APOB: variants seen among roughly 807,000 people sequenced by gnomAD.
APOB encodes apolipoprotein B-100.
Under a neutral mutation model 314.1 loss-of-function variants are expected in APOB, and 153 were observed. That is an observed-to-expected ratio of 0.49 (90% CI 0.43 to 0.56). APOB has a LOEUF of 0.56. Among genes scored for constraint, APOB ranks in the 20% least tolerant of loss-of-function variants. APOB has a pLI of 0.00. For missense variants in APOB, 5,430 were observed against 5,350.7 expected (o/e 1.01, Z -0.46); for synonymous variants, 2,087 against 2,036.4 (o/e 1.02, Z -0.67).
chr2:21,043,003 A>G (rs1228251700), intron 2 of APOB, among the ~76,000 whole-genome samples: 4 of 147,990 alleles, frequency 2.7e-5, no homozygotes, highest in African/African-American at 1.0e-4. Context: ...CTGGGTCCTG[A>G]GTCCAGCTGC....
rs200768300 is a variant in APOB at position 21,015,271 on chromosome 2, G to A, written c.3509-11C>T. On this transcript the variant is annotated splice_polypyrimidine_tract_variant and intron_variant, in intron 22 of 28. Transcript: ENST00000233242. ...CAATCTTCTCTTCATCTGAAAATAC[G>A]TAGGAAATAGTTGTGAATGGTACTA... The A allele has an allele frequency of 1.0e-3, 1,663 of 1,613,960 alleles. 2 individuals are homozygous for A. Among genetic ancestry groups the A allele is most frequent in the Non-Finnish European group, 1.2e-3 (1,459 of 1,179,834 alleles).
intron 20 of APOB, among the ~76,000 whole-genome samples, chr2:21,016,979 A>G (rs974219905): frequency 2.2e-4 from 29 of 131,670 alleles, no homozygotes; most frequent in South Asian, 7.0e-4. Flanking sequence ...GCGAGACTCC[A>G]TCTCAAAAAA....
rs201341694 is a variant in APOB at position 21,032,470 on chromosome 2, G to T, written c.1236C>A (p.Thr412=). 8 of 1,614,064 alleles carry T rather than the reference G, an allele frequency of 5.0e-6. No individual in the cohort carries two copies. The highest frequency in any genetic ancestry group is 1.6e-4 in the Middle Eastern group (1 of 6,084). The change falls in exon 10 of 29, where the codon ACC becomes ACA. Residue 412 remains threonine, a synonymous_variant. Coordinates refer to ENST00000233242, the MANE Select transcript of APOB (RefSeq NM_000384.3). ...GCTCGGGGATCAGGGCCACCAGGTA[G>T]GTGACCACATCTATCAGAAGGGGGT... ...HANPLLIDVV[T]YLVALIPEPS...
At chr2:21,019,430 C>T (rs977228507) in intron 19 of APOB, among the ~76,000 whole-genome samples, 2 of 152,106 alleles carry the variant, frequency 1.3e-5, no homozygotes, top group African/African-American at 2.4e-5. Flanking sequence ...GCTTCAAGCA[C>T]ATTGGTGGGC....
At position 21,005,066 on chromosome 2, in the gene APOB, A is replaced by G; in HGVS notation, c.11788+14T>C. ...ATATACAGTATCTAGGAGAGGAGGCAGGATATTTCTTACCATTTAGTTCAT... is the reference window on the plus strand; with the variant it reads ...ATATACAGTATCTAGGAGAGGAGGCGGGATATTTCTTACCATTTAGTTCAT... On this transcript the variant is annotated intron_variant, in intron 26 of 28. Coordinates refer to ENST00000233242, the MANE Select transcript of APOB (RefSeq NM_000384.3). 4 of 1,613,208 alleles carry G rather than the reference A, an allele frequency of 2.5e-6. No homozygotes were observed. In the African/African-American group the frequency reaches 4.0e-5, roughly 16 times the overall value.
chr2:21,015,909 A>C (rs1168690579), intron 21 of APOB, among the ~76,000 whole-genome samples: 1 of 152,114 alleles, frequency 6.6e-6, no homozygotes, highest in Non-Finnish European at 1.5e-5. Context: ...ATTTCTTTAA[A>C]GCACCCAGCA....
Position 21,002,174 on chromosome 2 carries a change from A to T in APOB, c.13248T>A (p.Val4416=), listed in dbSNP as rs769781707. 6.2e-7 allele frequency: 1 copy of T among 1,613,992 alleles called. No individual in the cohort carries two copies. The highest frequency in any genetic ancestry group is 8.5e-7 in the Non-Finnish European group (1 of 1,179,962). The change falls in exon 29 of 29, where the codon GTT becomes GTA. Residue 4416 remains valine (V), a synonymous_variant. Coordinates refer to ENST00000233242, the MANE Select transcript of APOB (RefSeq NM_000384.3). ...ATTCAGAATGGAAGTCCTTAAGAGC[A>T]ACTAACAGGTTCTTGATCAGACTGA... ...KIVSLIKNLL[V]ALKDFHSEYI...
chr2:21,030,851 A>T (rs1663859730), intron 10 of APOB, among the ~76,000 whole-genome samples: 1 of 152,232 alleles, frequency 6.6e-6, no homozygotes, highest in Non-Finnish European at 1.5e-5. Flanking sequence ...ATATGAAAAA[A>T]TGCATAACAT....
intron 4 of APOB, among the ~76,000 whole-genome samples, chr2:21,038,511 A>G (rs1664059895): frequency 6.6e-6 from 1 of 151,866 alleles, no homozygotes; most frequent in East Asian, 1.9e-4. Flanking sequence ...TAATTTTTGT[A>G]TTTTTAGTAG....
intron 6 of APOB, among the ~76,000 whole-genome samples, chr2:21,036,456 C>T (rs982280235): frequency 6.6e-6 from 1 of 152,214 alleles, no homozygotes; most frequent in Non-Finnish European, 1.5e-5. Flanking sequence ...TTCATGTTCA[C>T]TGAGACAGGC....
In APOB at chr2:21,002,162, G is replaced by A; in HGVS notation, c.13260C>T (p.Asp4420=). The A allele has an allele frequency of 6.2e-7, 1 of 1,613,954 alleles. No homozygotes were observed. The highest frequency in any genetic ancestry group is 8.5e-7 in the Non-Finnish European group (1 of 1,179,952). Residue 4420 remains aspartate, a synonymous_variant, in exon 29 of 29, where the codon GAC becomes GAT. Transcript: ENST00000233242. The stretch of plus-strand genomic sequence containing the variant: ...CACTGACAATATATTCAGAATGGAA[G>A]TCCTTAAGAGCAACTAACAGGTTCT... ...LIKNLLVALK[D]FHSEYIVSAS... is the part of the protein sequence containing the mutation.
intron 7 of APOB, among the ~76,000 whole-genome samples, chr2:21,035,174 G>A (rs1034696637): frequency 2.6e-5 from 4 of 152,110 alleles, no homozygotes; most frequent in African/African-American, 7.2e-5. Flanking sequence ...AAATTCTTTC[G>A]TATCTTCCAC....
intron 28 of APOB, among the ~76,000 whole-genome samples, 173 bp from the exon 29 acceptor site, chr2:21,003,507 C>T (rs1663053593): frequency 3.3e-5 from 5 of 152,054 alleles, no homozygotes; most frequent in Non-Finnish European, 7.4e-5. Flanking sequence ...TTAAATAAGT[C>T]TACTGTTGTT....
In APOB at chr2:21,002,236, A is replaced by G. The variant is rs1572774632; in HGVS notation, c.13186T>C (p.Trp4396Arg). 9 of 1,613,912 alleles carry G rather than the reference A, an allele frequency of 5.6e-6. No individual in the cohort carries two copies. The East Asian group carries it at 1.6e-4, about 28-fold the overall frequency. The part of the protein sequence containing the change: ...EEYFDPSIVG[W>R]TVKYYELEEK... ...TCAAGTTCATAATATTTCACTGTCC[A>G]GCCAACTATACTTGGATCAAAATAT... The change falls in exon 29 of 29, where the codon TGG becomes CGG. Residue 4396 changes from tryptophan to arginine, a missense_variant. Physicochemically the swap from Trp to Arg is moderately radical, Grantham distance 101 (BLOSUM62 -3). This residue lies in a region of APOB where 3,281 missense variants were observed against 3,171.0 expected (regional missense o/e 1.03). Transcript: ENST00000233242.
chr2:21,028,598 G>T, intron 12 of APOB, 60 bp from the exon 13 acceptor site: 2 of 1,110,248 alleles, frequency 1.8e-6, no homozygotes, highest in Non-Finnish European at 2.7e-6. Flanking sequence ...GAACATGCCT[G>T]GCAAACACTG....
Position 21,007,402 on chromosome 2 carries a change from T to C in APOB, c.9466A>G (p.Thr3156Ala), listed in dbSNP as rs1200728542. The change falls in exon 26 of 29, where the codon ACA becomes GCA. Residue 3156 changes from threonine (T) to alanine (A), a missense_variant. Physicochemically the swap from Thr to Ala is moderately conservative, Grantham distance 58. Transcript: ENST00000233242. ...PLKDFSLWEK[T>A]GLKEFLKTTK... ...GTTTTCAAGAATTCCTTCAAGCCTG[T>C]TTTTTCCCATAGAGAGAAATCTTTC... is the stretch of plus-strand genomic sequence containing the variant. The C allele has an allele frequency of 3.1e-6, 5 of 1,614,054 alleles. No individual in the cohort carries two copies. In the East Asian group the frequency reaches 1.1e-4, roughly 36 times the overall value.
Position 21,015,381 on chromosome 2 carries a change from G to T in APOB, c.3497C>A (p.Ala1166Glu). 6.2e-7 allele frequency: 1 copy of T among 1,614,192 alleles called. No individual in the cohort carries two copies. The change falls in exon 22 of 29, where the codon GCA (alanine) becomes GAA (glutamate). Residue 1166 changes from alanine to glutamate, a missense_variant. Ala to Glu is a moderately radical substitution (Grantham distance 107). Coordinates refer to ENST00000233242, the MANE Select transcript of APOB (RefSeq NM_000384.3). ...GAAGAGACACATACCATAATGCCAT[G>T]CCACCCTCTTGGAAACTGTGGAGCC... The part of the protein sequence containing the change: ...AYGSTVSKRV[A>E]WHYDEEKIEF...
Position 21,001,517 on chromosome 2 carries a change from A to G in APOB, c.*213T>C. 1 of 535,842 alleles carries G rather than the reference A, an allele frequency of 1.9e-6. No homozygotes were observed. The highest frequency in any genetic ancestry group is 2.6e-5 in the South Asian group (1 of 38,652). The allele number at this position is 535,842 out of a possible 1,614,324, so 33.2% of individuals were successfully genotyped here. A position where few individuals can be genotyped will look rare whatever the true frequency, so the allele number is the denominator to read the frequency against. ...AGATCCTGATTTTCTTTAACTTGCAAAAAATGCCATCCTTCTGAGTTCAGA... is the reference window on the plus strand; with the variant it reads ...AGATCCTGATTTTCTTTAACTTGCAGAAAATGCCATCCTTCTGAGTTCAGA... On this transcript the variant is annotated 3_prime_UTR_variant, in exon 29 of 29. Coordinates refer to ENST00000233242, the MANE Select transcript of APOB (RefSeq NM_000384.3).
In APOB at chr2:21,016,570, C is replaced by A. The variant is rs200281277; in HGVS notation, c.3201G>T (p.Pro1067=). The change falls in exon 21 of 29, where the codon CCG becomes CCT. Residue 1067 remains proline, a synonymous_variant. Coordinates refer to ENST00000233242, the MANE Select transcript of APOB (RefSeq NM_000384.3). ...SMTLSSEVQI[P]DFDVDLGTIL... is the part of the protein sequence containing the mutation. Reference sequence around the variant, plus strand: ...TTGTTCCGAGGTCAACATCAAAATCCGGAATTTGGACTTCACTGGACAAGG... The same window carrying A: ...TTGTTCCGAGGTCAACATCAAAATCAGGAATTTGGACTTCACTGGACAAGG... 5.6e-6 allele frequency: 9 copies of A among 1,611,182 alleles called. No individual in the cohort carries two copies. In the South Asian group the frequency reaches 8.8e-5, roughly 16 times the overall value.
Sources: allele counts gnomAD v4.1 joint callset (sites outside exome capture counted in the v4.1 genomes callset), GRCh38; gene constraint gnomAD v4.1.1; regional missense constraint gnomAD v4.1.1; transcripts MANE v1.5; gene names NCBI Gene and HGNC (gene_info 2026-07-23, HGNC 2026-07-21).